The following WNT7B variants were observed in gnomAD, a reference collection of about 807,000 sequenced individuals.
The protein encoded by WNT7B is protein Wnt-7b.
Under a neutral mutation model 38.2 loss-of-function variants are expected in WNT7B, and 19 were observed. The observed-to-expected ratio is 0.50, with a 90% confidence interval of 0.35 to 0.73. The LOEUF is 0.73. WNT7B is among the 30% of genes least tolerant of loss of function. The pLI is 0.01. For synonymous variants in WNT7B, 243 were observed against 209.3 expected (o/e 1.16, Z -1.39); for missense variants, 423 against 507.9 (o/e 0.83, Z 1.61).
At chr22:45,958,968 G>A (rs1601736793) in intron 1 of WNT7B, among the ~76,000 whole-genome samples, 2 of 152,336 alleles carry the variant, frequency 1.3e-5, no homozygotes, top group East Asian at 3.9e-4. Flanking sequence ...TCCAGACTGA[G>A]TCACGGGCCC....
At chr22:45,930,312 C>T (rs1008212381) in intron 3 of WNT7B, among the ~76,000 whole-genome samples, 2 of 152,274 alleles carry the variant, frequency 1.3e-5, no homozygotes, top group Non-Finnish European at 2.9e-5. Flanking sequence ...TTCAGCTCCA[C>T]TTTGCCTGGA....
intron 1 of WNT7B, among the ~76,000 whole-genome samples, chr22:45,967,283 G>A (rs916985002): frequency 6.6e-6 from 1 of 152,100 alleles, no homozygotes; most frequent in Non-Finnish European, 1.5e-5. Context: ...GAGGGCGCCC[G>A]GCCTCCTGTC....
chr22:45,929,887 C>T (rs1215010220), intron 3 of WNT7B, among the ~76,000 whole-genome samples: 3 of 139,184 alleles, frequency 2.2e-5, no homozygotes, highest in African/African-American at 9.3e-5. Flanking sequence ...CATCTACCCA[C>T]TCATCCACTC....
intron 3 of WNT7B, chr22:45,925,352 G>T: frequency 1.0e-6 from 1 of 985,308 alleles, no homozygotes; most frequent in Non-Finnish European, 1.2e-6. Context: ...AGACTGGAGA[G>T]ACTGGGGAGA....
Position 45,963,591 on chromosome 22 carries a change from G to A in WNT7B, c.71+13093C>T, listed in dbSNP as rs187794266. 5.3e-5 allele frequency among the ~76,000 whole-genome samples: 8 copies of A among 152,298 alleles called. No homozygotes were observed. In the South Asian group the frequency reaches 8.3e-4, roughly 16 times the overall value. On this transcript the variant is annotated intron_variant, in intron 1 of 3. Transcript: ENST00000339464. ...ATCTTGGGCCAGGCCACACAGCAACGTGGCAGTGGTTTGGTATCAGAGACA... is the reference window on the plus strand; with the variant it reads ...ATCTTGGGCCAGGCCACACAGCAACATGGCAGTGGTTTGGTATCAGAGACA...
chr22:45,961,056 C>T (rs958426064), intron 1 of WNT7B, among the ~76,000 whole-genome samples: 3 of 152,266 alleles, frequency 2.0e-5, no homozygotes, highest in African/African-American at 7.2e-5. Context: ...CAGAGCTCCA[C>T]CTGCACCTGC....
At chr22:45,970,477 C>T (rs1177390525) in intron 1 of WNT7B, among the ~76,000 whole-genome samples, 1 of 152,138 alleles carries the variant, frequency 6.6e-6, no homozygotes, top group Non-Finnish European at 1.5e-5. Flanking sequence ...TTGGCATCAA[C>T]TCCCACCAGG....
chr22:45,963,418 G>A (rs1932239743), intron 1 of WNT7B, among the ~76,000 whole-genome samples: 1 of 152,184 alleles, frequency 6.6e-6, no homozygotes, highest in African/African-American at 2.4e-5. Flanking sequence ...CAGCCTGGCT[G>A]AGTGAGTGCT....
chr22:45,976,460 GCT>G lies in WNT7B; in HGVS notation c.71+222_71+223del, dbSNP rs1309528099. Among the ~76,000 whole-genome samples, 3 of 151,896 alleles carry G rather than the reference GCT, an allele frequency of 2.0e-5. No homozygotes were observed. In the East Asian group the frequency reaches 5.9e-4, roughly 30 times the overall value. Reference sequence around the variant, plus strand: ...CCCGGCCGGACCGCCCGCGCGCCCCGCTCTCTCTCCTCCCGCGCTGGGCTCGG... The same window carrying G: ...CCCGGCCGGACCGCCCGCGCGCCCCGCTCTCTCCTCCCGCGCTGGGCTCGG... On this transcript the variant is annotated intron_variant, in intron 1 of 3. Transcript: ENST00000339464. The surrounding 1 kb of genome is among the most constrained non-coding windows in gnomAD (Gnocchi z 8.5).
At chr22:45,923,670 C>T (rs566624083) in intron 3 of WNT7B, among the ~76,000 whole-genome samples, 50 of 152,280 alleles carry the variant, frequency 3.3e-4, no homozygotes, top group Non-Finnish European at 6.2e-4. Context: ...GTGAGGAAAC[C>T]GAGGTTTGGG....
chr22:45,926,986 CT>C, intron 3 of WNT7B: 2 of 985,460 alleles, frequency 2.0e-6, no homozygotes, highest in Non-Finnish European at 2.4e-6. Context: ...TTCCCACCCC[CT>C]GGCTCCAGGA....
intron 2 of WNT7B, 103 bp downstream of exon 2, chr22:45,949,817 A>T: frequency 8.8e-7 from 1 of 1,142,176 alleles, no homozygotes; most frequent in Non-Finnish European, 1.2e-6. Flanking sequence ...GCCCCCCAGG[A>T]GATGTGTGCA....
rs1053133867 is a variant in WNT7B at position 45,975,063 on chromosome 22, G to C, written c.71+1621C>G. ...GCTAGGAACAGCAGCCCACAGTGGGGGGTCAGAGCCAACTGCAGCCCCAGC... is the reference window on the plus strand; with the variant it reads ...GCTAGGAACAGCAGCCCACAGTGGGCGGTCAGAGCCAACTGCAGCCCCAGC... On this transcript the variant is annotated intron_variant, in intron 1 of 3. Coordinates refer to ENST00000339464, the MANE Select transcript of WNT7B (RefSeq NM_058238.3). This position sits in a 1 kb window ranked among gnomAD's most constrained non-coding sequence, Gnocchi z 6.6. 2.0e-5 allele frequency among the ~76,000 whole-genome samples: 3 copies of C among 152,144 alleles called. No individual in the cohort carries two copies. Among genetic ancestry groups the C allele is most frequent in the African/African-American group, 7.2e-5 (3 of 41,436 alleles).
In WNT7B at chr22:45,966,486, A is replaced by G. The variant is rs766064602; in HGVS notation, c.71+10198T>C. Among the ~76,000 whole-genome samples the G allele has an allele frequency of 1.3e-5, 2 of 152,144 alleles. No individual in the cohort carries two copies. The highest frequency in any genetic ancestry group is 2.9e-5 in the Non-Finnish European group (2 of 68,026). ...ATCACAGTGCGGGAGGGCTCCAGAA[A>G]GCGATAGAGGCCTGCAGGGGTCATG... On this transcript the variant is annotated intron_variant, in intron 1 of 3. Transcript: ENST00000339464. The surrounding 1 kb of genome is among the most constrained non-coding windows in gnomAD (Gnocchi z 4.2).
chr22:45,932,567 T>G (rs73444572), intron 2 of WNT7B, among the ~76,000 whole-genome samples: 21,419 of 152,172 alleles, frequency 0.14, 2,009 homozygotes, highest in African/African-American at 0.26. Flanking sequence ...TCTCATTTCC[T>G]CTTTGTTTCC....
chr22:45,944,755 A>G (rs1473463676), intron 2 of WNT7B, among the ~76,000 whole-genome samples: 1 of 152,210 alleles, frequency 6.6e-6, no homozygotes, highest in African/African-American at 2.4e-5. Context: ...GGCATACAGC[A>G]GACACTCAAG....
intron 2 of WNT7B, among the ~76,000 whole-genome samples, chr22:45,949,023 G>A (rs919461544): frequency 9.9e-5 from 15 of 151,960 alleles, no homozygotes; most frequent in Non-Finnish European, 1.5e-4. Context: ...TAGAGATGGG[G>A]TTTCACCATG....
rs1930966919 is a variant in WNT7B, at chr22:45,922,852, G to T, written c.*4C>A. On this transcript the variant is annotated 3_prime_UTR_variant, in exon 4 of 4. Transcript: ENST00000339464. ...GGTGCCCGCGGCCGCCTCCGGGCCT[G>T]GCCTCACTTGCAGGTGAAGACCTCG... The T allele has an allele frequency of 1.9e-6, 3 of 1,591,558 alleles. No individual in the cohort carries two copies. Among genetic ancestry groups the T allele is most frequent in the Non-Finnish European group, 1.7e-6 (2 of 1,164,078 alleles).
chr22:45,942,109 G>A (rs1206273945), intron 2 of WNT7B, among the ~76,000 whole-genome samples: 1 of 152,112 alleles, frequency 6.6e-6, no homozygotes, highest in African/African-American at 2.4e-5. Flanking sequence ...TACTGTCCCC[G>A]CCTCCCCAGT....
Sources: gnomAD v4.1 joint callset for allele counts (sites outside exome capture counted in the v4.1 genomes callset) on GRCh38, gnomAD v4.1.1 for gene constraint, Gnocchi (gnomAD v3.1) non-coding constraint, MANE v1.5 for transcripts, NCBI Gene and HGNC (gene_info 2026-07-23, HGNC 2026-07-21) for gene names.